MED27: variants seen among roughly 807,000 people sequenced by gnomAD.
MED27 encodes the protein mediator complex subunit 27.
A neutral mutation model predicts 38.2 loss-of-function variants in MED27; 30 were observed. That is an observed-to-expected ratio of 0.79 (90% CI 0.59 to 1.07). The LOEUF is 1.07. MED27 is among the 50% of genes least tolerant of loss of function. The pLI is 0.00. For missense variants in MED27, 289 were observed against 397.5 expected (o/e 0.73, Z 2.32); for synonymous variants, 122 against 153.5 (o/e 0.79, Z 1.52).
chr9:131,993,054 GA>G (rs1473726749), intron 3 of MED27, among the ~76,000 whole-genome samples: 3 of 152,166 alleles, frequency 2.0e-5, no homozygotes, highest in Non-Finnish European at 4.4e-5. Flanking sequence ...TCTCACTCCA[GA>G]ACCTGTTTGT....
chr9:131,971,804 G>A (rs1261678214), intron 3 of MED27, among the ~76,000 whole-genome samples: 5 of 152,172 alleles, frequency 3.3e-5, no homozygotes, highest in Non-Finnish European at 7.3e-5. Flanking sequence ...GAAATGAGAG[G>A]AAAACTTTGC....
At chr9:131,937,694 T>C (rs537126010) in intron 4 of MED27, among the ~76,000 whole-genome samples, 4 of 152,346 alleles carry the variant, frequency 2.6e-5, no homozygotes, top group Non-Finnish European at 4.4e-5. Context: ...CCTATTTCAC[T>C]GAGGATGCAT....
chr9:132,077,029 A>G (rs1016091001), intron 2 of MED27, among the ~76,000 whole-genome samples: 2 of 152,202 alleles, frequency 1.3e-5, no homozygotes, highest in African/African-American at 2.4e-5. Flanking sequence ...AAAAGACAAT[A>G]CAAGAACATA....
At chr9:131,899,514 A>G (rs1829894313) in intron 4 of MED27, among the ~76,000 whole-genome samples, 1 of 152,194 alleles carries the variant, frequency 6.6e-6, no homozygotes, top group South Asian at 2.1e-4. Flanking sequence ...CAACTCAGAC[A>G]ACCTCTGGTG....
chr9:131,988,979 A>G (rs1831913583), intron 3 of MED27, among the ~76,000 whole-genome samples: 1 of 152,176 alleles, frequency 6.6e-6, no homozygotes, highest in South Asian at 2.1e-4. Flanking sequence ...AGTGCAGAAC[A>G]TGTAGGTTTG....
intron 4 of MED27, among the ~76,000 whole-genome samples, chr9:131,915,086 C>A (rs1258939964): frequency 1.3e-5 from 2 of 152,106 alleles, no homozygotes; most frequent in African/African-American, 4.8e-5. Flanking sequence ...CAAATAGAAC[C>A]ATTTAAAGCC....
intron 4 of MED27, among the ~76,000 whole-genome samples, chr9:131,924,791 A>G (rs988177389): frequency 3.3e-5 from 5 of 152,142 alleles, no homozygotes; most frequent in African/African-American, 7.2e-5. Context: ...GTGTTTTCCT[A>G]TCCTTTAATG....
chr9:132,042,851 G>T (rs1051964958), intron 2 of MED27, among the ~76,000 whole-genome samples: 2 of 152,150 alleles, frequency 1.3e-5, no homozygotes, highest in African/African-American at 4.8e-5. Context: ...TTGGAACCAT[G>T]GTATTGATTG....
intron 3 of MED27, among the ~76,000 whole-genome samples, chr9:131,999,419 G>A (rs1051558009): frequency 3.3e-5 from 5 of 152,138 alleles, no homozygotes; most frequent in African/African-American, 7.2e-5. Flanking sequence ...TGTGGTTACC[G>A]AAGGGTTAAA....
At chr9:132,000,934 T>C (rs1030744287) in intron 3 of MED27, among the ~76,000 whole-genome samples, 4 of 151,770 alleles carry the variant, frequency 2.6e-5, no homozygotes, top group Admixed American at 6.6e-5. Flanking sequence ...AGGCCATCTT[T>C]ACAAAAAACT....
chr9:131,969,868 G>A (rs1210064028), intron 3 of MED27, among the ~76,000 whole-genome samples: 1 of 152,126 alleles, frequency 6.6e-6, no homozygotes, highest in African/African-American at 2.4e-5. Flanking sequence ...AGAGCTGAAT[G>A]AACTCTTCAG....
At chr9:131,980,933 G>A (rs1831722694) in intron 3 of MED27, among the ~76,000 whole-genome samples, 1 of 152,162 alleles carries the variant, frequency 6.6e-6, no homozygotes, top group African/African-American at 2.4e-5. Context: ...CCTGGAGGAA[G>A]AGTTTCAGTC....
intron 3 of MED27, among the ~76,000 whole-genome samples, chr9:132,006,817 T>A (rs967209286): frequency 2.0e-5 from 3 of 152,166 alleles, no homozygotes; most frequent in African/African-American, 7.2e-5. Flanking sequence ...CCTTCATGCA[T>A]CACTATTGCC....
chr9:132,027,580 A>G (rs1832851816), intron 2 of MED27, among the ~76,000 whole-genome samples: 1 of 152,200 alleles, frequency 6.6e-6, no homozygotes, highest in Non-Finnish European at 1.5e-5. Context: ...CACAGCCATA[A>G]TTCCCTAGCA....
At chr9:131,893,252 A>G (rs944547921) in intron 5 of MED27, among the ~76,000 whole-genome samples, 22 of 151,818 alleles carry the variant, frequency 1.4e-4, no homozygotes, top group African/African-American at 5.3e-4. Flanking sequence ...TGTTCATTAC[A>G]CTCTGGTGCA....
rs1184690917 is a variant in MED27 at position 131,997,168 on chromosome 9, T to C, written c.479+17169A>G. Reference sequence around the variant, plus strand: ...TTATCATGTTGAAAGGTTGTACAAATCTGCCGCTTCCGGAGAATAAAGAAT... The same window carrying C: ...TTATCATGTTGAAAGGTTGTACAAACCTGCCGCTTCCGGAGAATAAAGAAT... On this transcript the variant is annotated intron_variant, in intron 3 of 7. Transcript: ENST00000292035. The surrounding 1 kb of genome is among the most constrained non-coding windows in gnomAD (Gnocchi z 4.0). Among the ~76,000 whole-genome samples the C allele has an allele frequency of 6.6e-6, 1 of 152,056 alleles. No homozygotes were observed. Among genetic ancestry groups the C allele is most frequent in the Non-Finnish European group, 1.5e-5 (1 of 68,022 alleles).
At chr9:131,869,251 G>A (rs1483223852) in intron 6 of MED27, 3 of 985,302 alleles carry the variant, frequency 3.0e-6, no homozygotes, top group Admixed American at 6.1e-5. Flanking sequence ...GGTGGCTGTG[G>A]AGCACAGGAG....
intron 4 of MED27, among the ~76,000 whole-genome samples, chr9:131,933,072 T>TA (rs1451143431): frequency 2.0e-5 from 3 of 152,148 alleles, no homozygotes; most frequent in African/African-American, 4.8e-5. Context: ...AACATCATTT[T>TA]ATGATAAAAA....
intron 3 of MED27, among the ~76,000 whole-genome samples, chr9:131,984,768 C>T (rs1181225645): frequency 6.6e-6 from 1 of 152,186 alleles, no homozygotes; most frequent in Non-Finnish European, 1.5e-5. Flanking sequence ...CCTGTTTCTC[C>T]TGGCGCTTCC....
Sources: gnomAD v4.1 joint callset for allele counts (sites outside exome capture counted in the v4.1 genomes callset) on GRCh38, gnomAD v4.1.1 for gene constraint, Gnocchi (gnomAD v3.1) non-coding constraint, MANE v1.5 for transcripts, NCBI Gene and HGNC (gene_info 2026-07-23, HGNC 2026-07-21) for gene names.